Variants in CDH13 observed in about 807,000 individuals in gnomAD.
CDH13 encodes the protein cadherin-13.
In CDH13, 24 loss-of-function variants were observed where a neutral mutation model predicts 63.8. That is an observed-to-expected ratio of 0.38 (90% CI 0.27 to 0.53). The LOEUF (loss-of-function observed/expected upper bound fraction) is 0.53, where lower values mean the gene tolerates loss of function less well. Ranked by LOEUF, CDH13 falls within the 20% of genes least tolerant of loss-of-function variation. CDH13 has a pLI of 0.85. For missense variants in CDH13, 1,049 were observed against 903.1 expected (o/e 1.16, Z -2.07); for synonymous variants, 503 against 355.3 (o/e 1.42, Z -4.67).
At chr16:82,738,046 G>T (rs12600020) in intron 1 of CDH13, among the ~76,000 whole-genome samples, 1 of 152,058 alleles carries the variant, frequency 6.6e-6, no homozygotes, top group African/African-American at 2.4e-5. Context: ...AATTACAGGC[G>T]CTGTGTTGTA....
intron 1 of CDH13, among the ~76,000 whole-genome samples, chr16:82,627,569 G>A (rs1907478707): frequency 6.6e-6 from 1 of 152,090 alleles, no homozygotes; most frequent in South Asian, 2.1e-4. Flanking sequence ...AGCGGCCGAA[G>A]CGCTGCTCGG....
chr16:82,891,515 G>T (rs1451079615), intron 2 of CDH13, among the ~76,000 whole-genome samples: 1 of 152,174 alleles, frequency 6.6e-6, no homozygotes, highest in East Asian at 1.9e-4. Context: ...TTGTCTGGAA[G>T]ATCCCACCTA....
chr16:83,632,107 G>A (rs1598395694), intron 8 of CDH13, among the ~76,000 whole-genome samples: 2 of 152,280 alleles, frequency 1.3e-5, no homozygotes, highest in South Asian at 2.1e-4. Flanking sequence ...TAGAATGCAG[G>A]GAGGAGGCAA....
At chr16:83,597,475 C>T (rs970890672) in intron 7 of CDH13, among the ~76,000 whole-genome samples, 3 of 152,038 alleles carry the variant, frequency 2.0e-5, no homozygotes, top group African/African-American at 7.3e-5. Flanking sequence ...TAAAATGTAC[C>T]TCCGTGTGTG....
chr16:83,772,466 G>A (rs1914824997), intron 11 of CDH13, among the ~76,000 whole-genome samples: 2 of 152,136 alleles, frequency 1.3e-5, no homozygotes, highest in Admixed American at 1.3e-4. Context: ...GCAACTGCTG[G>A]TTAAAAAGAA....
At chr16:83,298,797 T>C (rs2089663409) in intron 5 of CDH13, among the ~76,000 whole-genome samples, 1 of 152,222 alleles carries the variant, frequency 6.6e-6, no homozygotes, top group African/African-American at 2.4e-5. Context: ...GTTCCAGCTC[T>C]GTGATGATCA....
chr16:83,098,749 C>T (rs2034329028), intron 3 of CDH13, among the ~76,000 whole-genome samples: 1 of 152,248 alleles, frequency 6.6e-6, no homozygotes, highest in Middle Eastern at 3.4e-3. Flanking sequence ...CCTCTGTGTG[C>T]CATGTGTCTT....
chr16:83,416,500 A>G (rs752595004), intron 6 of CDH13, among the ~76,000 whole-genome samples: 1 of 152,180 alleles, frequency 6.6e-6, no homozygotes, highest in East Asian at 1.9e-4. Flanking sequence ...CTCATGTTTA[A>G]GTATCTCCCA....
chr16:83,460,465 T>G (rs2073146618), intron 6 of CDH13, among the ~76,000 whole-genome samples: 1 of 152,152 alleles, frequency 6.6e-6, no homozygotes. Context: ...AAATAGGAAA[T>G]GGCCTACATG....
chr16:82,939,729 G>A (rs1056466625), intron 2 of CDH13, among the ~76,000 whole-genome samples: 2 of 152,124 alleles, frequency 1.3e-5, no homozygotes, highest in African/African-American at 4.8e-5. Flanking sequence ...TAGCTGCAAA[G>A]GTTACCCTTA....
chr16:82,794,039 T>G (rs1269126839), intron 1 of CDH13, among the ~76,000 whole-genome samples: 1 of 151,978 alleles, frequency 6.6e-6, no homozygotes, highest in Non-Finnish European at 1.5e-5. Context: ...GAAAGGGAAC[T>G]GGGGTATAAC....
chr16:83,428,300 A>C (rs944784818), intron 6 of CDH13, among the ~76,000 whole-genome samples: 1 of 152,186 alleles, frequency 6.6e-6, no homozygotes. Flanking sequence ...CTCAAGAAAT[A>C]TGTTTTTTTG....
chr16:83,628,593 G>A (rs896618062), intron 8 of CDH13, among the ~76,000 whole-genome samples: 1 of 152,158 alleles, frequency 6.6e-6, no homozygotes, highest in Middle Eastern at 3.2e-3. Flanking sequence ...TTGATGCTAA[G>A]ACTAACCACA....
At position 83,104,641 on chromosome 16, in the gene CDH13, A is replaced by C. The variant is rs200462983; in HGVS notation, c.367-20744A>C. 5.3e-5 allele frequency among the ~76,000 whole-genome samples: 8 copies of C among 152,154 alleles called. No homozygotes were observed. The East Asian group carries it at 1.5e-3, about 29-fold the overall frequency. On this transcript the variant is annotated intron_variant, in intron 3 of 13. Coordinates refer to ENST00000567109, the MANE Select transcript of CDH13 (RefSeq NM_001257.5). ...GGCGGTGGCGGGGGTGGGCGGGGGA[A>C]ATAGTGTAATTTAGGTTAAATATTG...
At chr16:82,999,916 A>G (rs1843928883) in intron 2 of CDH13, among the ~76,000 whole-genome samples, 1 of 152,164 alleles carries the variant, frequency 6.6e-6, no homozygotes, top group African/African-American at 2.4e-5. Flanking sequence ...GGCATTTGGC[A>G]GTGTCTAATG....
At chr16:83,023,475 C>T (rs112137994) in intron 2 of CDH13, among the ~76,000 whole-genome samples, 4,223 of 152,256 alleles carry the variant, frequency 0.028, 90 homozygotes, top group Non-Finnish European at 0.042. Context: ...TTCATAGGTT[C>T]AGAAGAGTAC....
chr16:83,042,696 T>G (rs566441361), intron 3 of CDH13, among the ~76,000 whole-genome samples: 2 of 152,264 alleles, frequency 1.3e-5, no homozygotes, highest in South Asian at 2.1e-4. Flanking sequence ...TCTAAATAAT[T>G]CCTGAAAATG....
At chr16:82,672,485 T>G (rs1319428808) in intron 1 of CDH13, among the ~76,000 whole-genome samples, 1 of 152,146 alleles carries the variant, frequency 6.6e-6, no homozygotes, top group East Asian at 1.9e-4. Flanking sequence ...TTTCTATCAT[T>G]GATATTAATA....
At chr16:83,406,955 A>G (rs1219475602) in intron 6 of CDH13, among the ~76,000 whole-genome samples, 2 of 152,262 alleles carry the variant, frequency 1.3e-5, no homozygotes, top group Non-Finnish European at 2.9e-5. Context: ...TATGACTATT[A>G]CATCATAGTA....
Sources: allele counts gnomAD v4.1 joint callset (sites outside exome capture counted in the v4.1 genomes callset), GRCh38; gene constraint gnomAD v4.1.1; transcripts MANE v1.5; gene names NCBI Gene and HGNC (gene_info 2026-07-23, HGNC 2026-07-21).